Variants in MICU1 observed in about 807,000 individuals in gnomAD.
The protein encoded by MICU1 is calcium uptake protein 1, mitochondrial.
MICU1 carries 45 observed loss-of-function variants against 56.8 expected under a neutral mutation model. The ratio of observed to expected loss-of-function variants is 0.79; its 90% confidence interval spans 0.62 to 1.02. The LOEUF (loss-of-function observed/expected upper bound fraction) is 1.02. Ranked by LOEUF, MICU1 falls within the 50% of genes least tolerant of loss-of-function variation. The probability of loss-of-function intolerance (pLI) is 0.00; values close to 1 mark genes in which losing one functional copy is unlikely to be tolerated. For synonymous variants in MICU1, 186 were observed against 195.1 expected (o/e 0.95, Z 0.39); for missense variants, 504 against 587.1 (o/e 0.86, Z 1.46).
intron 8 of MICU1, among the ~76,000 whole-genome samples, chr10:72,435,861 T>G (rs975575791): frequency 6.6e-6 from 1 of 152,258 alleles, no homozygotes; most frequent in Non-Finnish European, 1.5e-5. Flanking sequence ...TTGCTCAGGC[T>G]TGAGTAGGTA....
intron 1 of MICU1, among the ~76,000 whole-genome samples, chr10:72,625,063 T>G (rs148319838): frequency 1.3e-5 from 2 of 152,326 alleles, no homozygotes; most frequent in Admixed American, 1.3e-4. Context: ...AACTCCTTTC[T>G]TATACTGCTC....
chr10:72,566,706 G>A lies in MICU1; in HGVS notation c.88C>T (p.Arg30Trp), dbSNP rs762856737. 1.4e-5 allele frequency: 22 copies of A among 1,612,316 alleles called. No homozygotes were observed. The highest frequency in any genetic ancestry group is 7.7e-5 in the South Asian group (7 of 90,634). The change falls in exon 2 of 12, where the codon CGG (arginine) becomes TGG (tryptophan). Residue 30 changes from arginine to tryptophan, a missense_variant. Transcript: ENST00000361114. ...YHGGSQPIQI[R>W]RRLMMVAFLG... Reference sequence around the variant, plus strand: ...AAAGCCACCATCATTAGTCTTCGCCGGATCTGGATGGGCTGTGATCCTCCA... The same window carrying A: ...AAAGCCACCATCATTAGTCTTCGCCAGATCTGGATGGGCTGTGATCCTCCA...
At chr10:72,421,331 C>T (rs1864166785) in intron 9 of MICU1, among the ~76,000 whole-genome samples, 1 of 151,884 alleles carries the variant, frequency 6.6e-6, no homozygotes, top group Non-Finnish European at 1.5e-5. Context: ...TCTTGGTTCA[C>T]TGCAACCTCC....
intron 6 of MICU1, among the ~76,000 whole-genome samples, chr10:72,493,325 T>C (rs1200155780): frequency 1.3e-5 from 2 of 152,358 alleles, no homozygotes; most frequent in East Asian, 3.9e-4. Flanking sequence ...CTGCATTACA[T>C]ACATTATATT....
chr10:72,443,825 G>T (rs1865016442), intron 8 of MICU1, among the ~76,000 whole-genome samples: 1 of 151,672 alleles, frequency 6.6e-6, no homozygotes, highest in Middle Eastern at 3.4e-3. Flanking sequence ...GATTCCTCAG[G>T]GATCTAGAAC....
chr10:72,433,265 A>G (rs1864603819), intron 8 of MICU1, among the ~76,000 whole-genome samples: 1 of 149,538 alleles, frequency 6.7e-6, no homozygotes, highest in African/African-American at 2.5e-5. Context: ...TTTTTTTGAG[A>G]CAGAGTCTTG....
intron 3 of MICU1, chr10:72,560,322 C>CACT (rs576572970): frequency 6.6e-6 from 1 of 152,040 alleles, no homozygotes; most frequent in Non-Finnish European, 1.5e-5. Flanking sequence ...AGGCATGAGG[C>CACT]ACTATAAAGA....
At chr10:72,479,187 C>T (rs551434858) in intron 6 of MICU1, among the ~76,000 whole-genome samples, 2 of 152,266 alleles carry the variant, frequency 1.3e-5, no homozygotes, top group African/African-American at 4.8e-5. Flanking sequence ...TCAAAAATCA[C>T]ACAGCTCCTT....
chr10:72,435,568 G>A (rs1322482849), intron 8 of MICU1, among the ~76,000 whole-genome samples: 4 of 152,058 alleles, frequency 2.6e-5, no homozygotes, highest in East Asian at 1.9e-4. Flanking sequence ...CACGGAGGAC[G>A]AGCTGAAGCA....
chr10:72,571,524 T>C (rs1174076594), intron 1 of MICU1, among the ~76,000 whole-genome samples: 3 of 152,128 alleles, frequency 2.0e-5, no homozygotes, highest in Non-Finnish European at 4.4e-5. Context: ...TTAGAGCATA[T>C]GTAAAATAGG....
In MICU1 at chr10:72,577,407, G is replaced by C. The variant is rs528931878; in HGVS notation, c.-1-10613C>G. On this transcript the variant is annotated intron_variant, in intron 1 of 11. Transcript: ENST00000361114. ...GCCTGTAATCCCAGCTACTCGGAAG[G>C]CTGAGGCAGGAGAATTGCTTGAACC... Among the ~76,000 whole-genome samples the C allele has an allele frequency of 1.2e-4, 19 of 152,096 alleles. No individual in the cohort carries two copies. In the East Asian group the frequency reaches 3.3e-3, roughly 26 times the overall value.
chr10:72,382,005 C>CAT (rs1564837681), intron 10 of MICU1, among the ~76,000 whole-genome samples: 2 of 143,020 alleles, frequency 1.4e-5, no homozygotes, highest in Admixed American at 7.0e-5. Context: ...CACACACACA[C>CAT]ATTAAGATGG....
chr10:72,602,633 C>T (rs1000921548), intron 1 of MICU1, among the ~76,000 whole-genome samples: 1 of 152,020 alleles, frequency 6.6e-6, no homozygotes, highest in Non-Finnish European at 1.5e-5. Flanking sequence ...GAGATTGACT[C>T]TAAGAGAAAA....
chr10:72,487,098 T>A (rs1213008111), intron 6 of MICU1, among the ~76,000 whole-genome samples: 1 of 152,180 alleles, frequency 6.6e-6, no homozygotes, highest in Non-Finnish European at 1.5e-5. Flanking sequence ...ATCAGCAGTT[T>A]ACAAAGGGAA....
intron 10 of MICU1, among the ~76,000 whole-genome samples, chr10:72,379,050 T>A (rs1248252355): frequency 2.0e-5 from 3 of 152,208 alleles, no homozygotes; most frequent in Admixed American, 6.5e-5. Flanking sequence ...TACAAGACTA[T>A]AGCGCTCTAG....
At chr10:72,550,805 T>C (rs758120073) in intron 4 of MICU1, among the ~76,000 whole-genome samples, 7 of 152,366 alleles carry the variant, frequency 4.6e-5, no homozygotes, top group Middle Eastern at 3.4e-3. Context: ...TTTGTGATTA[T>C]ATATTTGATC....
chr10:72,471,420 G>A (rs1042160367), intron 8 of MICU1, among the ~76,000 whole-genome samples: 1 of 152,088 alleles, frequency 6.6e-6, no homozygotes, highest in Admixed American at 6.6e-5. Context: ...CAACTCTATA[G>A]CATCTCAGTA....
rs60734797 is a variant in MICU1, at chr10:72,549,930, C to CAAAA, written c.493+1245_493+1248dup. On this transcript the variant is annotated intron_variant, in intron 4 of 11. Coordinates refer to ENST00000361114, the MANE Select transcript of MICU1 (RefSeq NM_001195518.2). ...GGGTGACAAGAATGAAACTCCATCTCAAAAAAAAAAAAAAAGAGAATTAGT... is the reference window on the plus strand; with the variant it reads ...GGGTGACAAGAATGAAACTCCATCTCAAAAAAAAAAAAAAAAAAAGAGAATTAGT... Among the ~76,000 whole-genome samples the CAAAA allele has an allele frequency of 4.5e-5, 5 of 111,362 alleles. 1 individual carries two copies. The highest frequency in any genetic ancestry group is 7.6e-5 in the African/African-American group (2 of 26,304). The allele number at this position is 111,362 out of a possible 152,430, so 73.1% of individuals were successfully genotyped here.
intron 6 of MICU1, among the ~76,000 whole-genome samples, chr10:72,500,282 ATATATATATATATATATATATTTTTTTTT>A (rs1867002444): frequency 1.4e-4 from 2 of 14,076 alleles, no homozygotes; most frequent in African/African-American, 2.6e-4. Flanking sequence ...ATATATATAT[ATATATATATATATATATATATTTTTTTTT>A]TTTTTTTTTT....
Sources: allele counts gnomAD v4.1 joint callset (sites outside exome capture counted in the v4.1 genomes callset), GRCh38; gene constraint gnomAD v4.1.1; transcripts MANE v1.5; gene names NCBI Gene and HGNC (gene_info 2026-07-23, HGNC 2026-07-21).